Variants in COLQ observed in about 807,000 individuals in gnomAD.
The protein encoded by COLQ is collagen like tail subunit of asymmetric acetylcholinesterase.
Under a neutral mutation model 69.0 loss-of-function variants are expected in COLQ, and 48 were observed. That is an observed-to-expected ratio of 0.70 (90% CI 0.55 to 0.88). COLQ has a LOEUF of 0.88. Ranked by LOEUF, COLQ falls within the 40% of genes least tolerant of loss-of-function variation. The pLI, the probability that COLQ is intolerant of heterozygous loss-of-function variation, is 0.00. For missense variants in COLQ, 618 were observed against 594.6 expected (o/e 1.04, Z -0.41); for synonymous variants, 217 against 211.2 (o/e 1.03, Z -0.24).
At chr3:15,505,139 T>C (rs1231655284) in intron 1 of COLQ, among the ~76,000 whole-genome samples, 1 of 152,214 alleles carries the variant, frequency 6.6e-6, no homozygotes, top group Non-Finnish European at 1.5e-5. Context: ...AACTCCCTTG[T>C]TGGCAAATGT....
chr3:15,496,569 C>T (rs551018049), intron 1 of COLQ, among the ~76,000 whole-genome samples: 5 of 152,350 alleles, frequency 3.3e-5, no homozygotes, highest in Admixed American at 1.3e-4. Context: ...TGCGTATCTC[C>T]GTGGAGCCTG....
intron 3 of COLQ, among the ~76,000 whole-genome samples, chr3:15,484,134 A>C (rs937331518): frequency 3.9e-5 from 6 of 152,270 alleles, no homozygotes; most frequent in Middle Eastern, 6.8e-3. Context: ...GGTCTCCTGA[A>C]TACAGCACAC....
At position 15,451,428 on chromosome 3, in the gene COLQ, G is replaced by A; in HGVS notation, c.*216C>T. On this transcript the variant is annotated 3_prime_UTR_variant, in exon 17 of 17. Transcript: ENST00000383788. ...GGAACAGGTCTCAGGTTGGGCATGT[G>A]GAAGGTTTTCCAGTACCTTGGATTA... 3 of 682,832 alleles carry A rather than the reference G, an allele frequency of 4.4e-6. No homozygotes were observed. The highest frequency in any genetic ancestry group is 3.4e-5 in the South Asian group (2 of 59,300). 42.3% of individuals were successfully genotyped at this position (682,832 alleles called of 1,614,324 possible).
intron 1 of COLQ, among the ~76,000 whole-genome samples, chr3:15,490,481 G>T (rs12635397): frequency 0.14 from 20,690 of 152,148 alleles, 1,931 homozygotes; most frequent in East Asian, 0.43. Flanking sequence ...GATTCATTTT[G>T]ACTAATTTTG....
chr3:15,498,455 C>T (rs2062781159), intron 1 of COLQ: 1 of 1,476,062 alleles, frequency 6.8e-7, no homozygotes, highest in African/African-American at 1.5e-5. Flanking sequence ...TTTTCCAAAA[C>T]AATGCATGTG....
intron 1 of COLQ, among the ~76,000 whole-genome samples, chr3:15,501,253 C>G (rs570203301): frequency 6.6e-6 from 1 of 152,322 alleles, no homozygotes; most frequent in East Asian, 1.9e-4. Flanking sequence ...GGCTAGAGAC[C>G]TCTTCTGGAA....
At chr3:15,468,321 GTTTTTTTT>G (rs540716062) in intron 11 of COLQ, among the ~76,000 whole-genome samples, 3 of 71,256 alleles carry the variant, frequency 4.2e-5, no homozygotes, top group African/African-American at 5.4e-5. Context: ...AGTTACTGAA[GTTTTTTTT>G]TTTTTTTTTT....
At chr3:15,471,994 T>C (rs1227064709) in intron 10 of COLQ, among the ~76,000 whole-genome samples, 1 of 151,278 alleles carries the variant, frequency 6.6e-6, no homozygotes, top group Non-Finnish European at 1.5e-5. Flanking sequence ...TCAGGGATTG[T>C]CAGAAGGAAG....
At chr3:15,465,610 CTTTT>C (rs71045163) in intron 12 of COLQ, among the ~76,000 whole-genome samples, 38,005 of 93,276 alleles carry the variant, frequency 0.41, 5,684 homozygotes, top group East Asian at 0.54. Flanking sequence ...CTTTCTACAT[CTTTT>C]TTTTTTTTTT....
intron 1 of COLQ, among the ~76,000 whole-genome samples, chr3:15,514,751 C>A (rs942474616): frequency 6.6e-6 from 1 of 152,004 alleles, no homozygotes; most frequent in Non-Finnish European, 1.5e-5. Flanking sequence ...AGTCACATGC[C>A]CAGAGGGGGC....
chr3:15,517,893 C>T (rs1020208601), intron 1 of COLQ, among the ~76,000 whole-genome samples: 1 of 152,106 alleles, frequency 6.6e-6, no homozygotes, highest in African/African-American at 2.4e-5. Flanking sequence ...GTCAATGACG[C>T]CTTCAGGGGT....
chr3:15,483,866 C>T (rs1207926034), intron 3 of COLQ, among the ~76,000 whole-genome samples: 1 of 152,196 alleles, frequency 6.6e-6, no homozygotes, highest in African/African-American at 2.4e-5. Flanking sequence ...TTGTAGGTCT[C>T]TAAGGACCTG....
At position 15,474,290 on chromosome 3, in the gene COLQ, G is replaced by A. The variant is rs1264206734; in HGVS notation, c.556-18C>T. 4.3e-6 allele frequency: 7 copies of A among 1,613,596 alleles called. No individual in the cohort carries two copies. The South Asian group carries it at 6.6e-5, about 15-fold the overall frequency. On this transcript the variant is annotated intron_variant, in intron 8 of 16. Coordinates refer to ENST00000383788, the MANE Select transcript of COLQ (RefSeq NM_005677.4). ...CTGGATCCCTAGGAAGAAACCATAG[G>A]AGAAAGTCAATGAGTTAATATCCTG...
chr3:15,482,398 T>G (rs921164640), intron 3 of COLQ, among the ~76,000 whole-genome samples: 1 of 152,236 alleles, frequency 6.6e-6, no homozygotes, highest in African/African-American at 2.4e-5. Context: ...ATACCTAGTT[T>G]ATTGAGAGTT....
chr3:15,491,516 C>A (rs1016884641), intron 1 of COLQ, among the ~76,000 whole-genome samples: 2 of 152,230 alleles, frequency 1.3e-5, no homozygotes, highest in Non-Finnish European at 2.9e-5. Flanking sequence ...GTCGCCAGGT[C>A]GTGCGGTGTC....
intron 15 of COLQ, among the ~76,000 whole-genome samples, chr3:15,455,651 G>T (rs1006213130): frequency 2.6e-5 from 4 of 152,360 alleles, no homozygotes; most frequent in African/African-American, 9.6e-5. Context: ...TTGAGATAAA[G>T]AAGGCCTAAC....
At chr3:15,477,475 C>A in intron 5 of COLQ, 1 of 448,024 alleles carries the variant, frequency 2.2e-6, no homozygotes, top group Non-Finnish European at 4.1e-6. Flanking sequence ...CCCACCCCCA[C>A]CCAAAAGTCC....
At chr3:15,501,487 T>C (rs970349084) in intron 1 of COLQ, among the ~76,000 whole-genome samples, 1 of 151,782 alleles carries the variant, frequency 6.6e-6, no homozygotes, top group African/African-American at 2.4e-5. Context: ...GTGCCAAGGC[T>C]CCCACCAGCC....
intron 3 of COLQ, among the ~76,000 whole-genome samples, chr3:15,480,158 G>A (rs2100544): frequency 0.37 from 56,750 of 152,074 alleles, 10,745 homozygotes; most frequent in East Asian, 0.49. Context: ...AACATGCATA[G>A]TGCAAAGCCT....
Sources: gnomAD v4.1 joint callset for allele counts (sites outside exome capture counted in the v4.1 genomes callset) on GRCh38, gnomAD v4.1.1 for gene constraint, MANE v1.5 for transcripts, NCBI Gene and HGNC (gene_info 2026-07-23, HGNC 2026-07-21) for gene names.